Variants in DTWD2 observed in about 807,000 individuals in gnomAD.
DTWD2 encodes the protein tRNA-uridine aminocarboxypropyltransferase 2.
DTWD2 carries 39 observed loss-of-function variants against 31.8 expected under a neutral mutation model. That is an observed-to-expected ratio of 1.22 (90% CI 0.95 to 1.60). The LOEUF is 1.60. Among genes scored for constraint, DTWD2 ranks in the 40% most tolerant of loss-of-function variants. The probability of loss-of-function intolerance (pLI) is 0.00; values close to 1 mark genes in which losing one functional copy is unlikely to be tolerated. For missense variants in DTWD2, 515 were observed against 381.5 expected (o/e 1.35, Z -2.92); for synonymous variants, 180 against 142.8 (o/e 1.26, Z -1.86).
At chr5:118,876,702 C>T (rs1262768769) in intron 4 of DTWD2, among the ~76,000 whole-genome samples, 1 of 152,010 alleles carries the variant, frequency 6.6e-6, no homozygotes, top group African/African-American at 2.4e-5. Flanking sequence ...CTTAAACAGA[C>T]CAATAATGAG....
chr5:118,901,984 A>C (rs950915785), intron 4 of DTWD2, among the ~76,000 whole-genome samples: 1 of 152,200 alleles, frequency 6.6e-6, no homozygotes, highest in Admixed American at 6.5e-5. Flanking sequence ...ATTCTTTTTA[A>C]TAATTCATAC....
chr5:118,922,596 C>T (rs1753727584), intron 4 of DTWD2, among the ~76,000 whole-genome samples: 1 of 152,138 alleles, frequency 6.6e-6, no homozygotes, highest in South Asian at 2.1e-4. Context: ...TTTCTTTTAA[C>T]ATTTTTACTT....
At chr5:118,985,515 TATACAC>T (rs1178000459) in intron 1 of DTWD2, among the ~76,000 whole-genome samples, 5 of 132,048 alleles carry the variant, frequency 3.8e-5, no homozygotes, top group African/African-American at 1.6e-4. Flanking sequence ...TATATATATA[TATACAC>T]ACACATATAT....
At chr5:118,970,195 G>C (rs1306123156) in intron 1 of DTWD2, among the ~76,000 whole-genome samples, 1 of 152,210 alleles carries the variant, frequency 6.6e-6, no homozygotes, top group African/African-American at 2.4e-5. Context: ...GGGAGGCCGA[G>C]GCAGGCAGAT....
intron 4 of DTWD2, among the ~76,000 whole-genome samples, chr5:118,919,108 G>A (rs184937375): frequency 7.9e-5 from 12 of 152,270 alleles, no homozygotes; most frequent in African/African-American, 2.2e-4. Flanking sequence ...GGAAACACGG[G>A]TTCTAGATCA....
At chr5:118,909,825 G>A (rs1401567348) in intron 4 of DTWD2, among the ~76,000 whole-genome samples, 1 of 152,196 alleles carries the variant, frequency 6.6e-6, no homozygotes, top group Admixed American at 6.5e-5. Context: ...CAGACCTGAA[G>A]CCACTGTATT....
chr5:118,945,622 G>A (rs1344046183), intron 1 of DTWD2, among the ~76,000 whole-genome samples: 1 of 151,918 alleles, frequency 6.6e-6, no homozygotes, highest in East Asian at 1.9e-4. Flanking sequence ...AAAATTAGCT[G>A]GGAGTGGTGG....
chr5:118,966,830 G>C (rs1034170465), intron 1 of DTWD2, among the ~76,000 whole-genome samples: 1 of 152,022 alleles, frequency 6.6e-6, no homozygotes, highest in Non-Finnish European at 1.5e-5. Flanking sequence ...AGGAGTGCGA[G>C]AACAGCCTGA....
chr5:118,844,318 G>A (rs1375866731), intron 5 of DTWD2, among the ~76,000 whole-genome samples: 1 of 152,180 alleles, frequency 6.6e-6, no homozygotes, highest in East Asian at 1.9e-4. Flanking sequence ...AAATTCCTAT[G>A]ATAAAACTTC....
chr5:118,952,112 C>T (rs1246154384), intron 1 of DTWD2, among the ~76,000 whole-genome samples: 6 of 152,186 alleles, frequency 3.9e-5, no homozygotes, highest in Non-Finnish European at 5.9e-5. Flanking sequence ...AGTAAAAAGA[C>T]GCCGCTTACC....
intron 1 of DTWD2, among the ~76,000 whole-genome samples, chr5:118,980,373 G>T (rs1384464890): frequency 2.0e-5 from 3 of 152,182 alleles, no homozygotes; most frequent in Non-Finnish European, 4.4e-5. Context: ...CAAACATGAA[G>T]CTCATACTCC....
intron 4 of DTWD2, among the ~76,000 whole-genome samples, chr5:118,885,669 G>C (rs929863521): frequency 1.3e-5 from 2 of 150,998 alleles, no homozygotes; most frequent in African/African-American, 4.9e-5. Flanking sequence ...GGAGGCTGTG[G>C]GCAGGAGAGT....
At chr5:118,981,950 G>C (rs1004535107) in intron 1 of DTWD2, among the ~76,000 whole-genome samples, 1 of 152,124 alleles carries the variant, frequency 6.6e-6, no homozygotes, top group African/African-American at 2.4e-5. Context: ...TCATTATTAT[G>C]TGGTGTAGCA....
At position 118,846,013 on chromosome 5, in the gene DTWD2, G is replaced by C. The variant is rs1239414032; in HGVS notation, c.726+2077C>G. Among the ~76,000 whole-genome samples the C allele has an allele frequency of 2.0e-5, 3 of 152,040 alleles. No individual in the cohort carries two copies. In the East Asian group the frequency reaches 5.8e-4, roughly 29 times the overall value. The stretch of plus-strand genomic sequence containing the variant: ...GATGGAGAAGAGGCCCTAAAACAAC[G>C]TAAAGTTGTCCTAACTATATAATGT... On this transcript the variant is annotated intron_variant, in intron 5 of 5. Coordinates refer to ENST00000510708, the MANE Select transcript of DTWD2 (RefSeq NM_173666.4).
chr5:118,884,276 C>G (rs917132304), intron 4 of DTWD2, among the ~76,000 whole-genome samples: 1 of 152,168 alleles, frequency 6.6e-6, no homozygotes, highest in Middle Eastern at 3.2e-3. Flanking sequence ...CTGAACAATA[C>G]TAAATTCTTC....
At chr5:118,947,354 T>C (rs1449760097) in intron 1 of DTWD2, among the ~76,000 whole-genome samples, 2 of 152,144 alleles carry the variant, frequency 1.3e-5, no homozygotes, top group African/African-American at 4.8e-5. Flanking sequence ...ATGGAGGATT[T>C]TATTGCCGAT....
chr5:118,915,810 A>G (rs1480643750), intron 4 of DTWD2, among the ~76,000 whole-genome samples: 1 of 152,194 alleles, frequency 6.6e-6, no homozygotes, highest in Admixed American at 6.5e-5. Context: ...TTTTCTAGGT[A>G]TTTCAGGATC....
chr5:118,888,938 A>G (rs1293150434), intron 4 of DTWD2, among the ~76,000 whole-genome samples: 2 of 152,200 alleles, frequency 1.3e-5, no homozygotes, highest in Non-Finnish European at 2.9e-5. Flanking sequence ...TGGATTTTTA[A>G]CTGAGATGTT....
intron 4 of DTWD2, among the ~76,000 whole-genome samples, chr5:118,919,029 G>T (rs570775299): frequency 2.6e-5 from 4 of 152,274 alleles, no homozygotes; most frequent in South Asian, 4.1e-4. Context: ...GAGGTCATTT[G>T]TCTGATGCCT....
Sources: gnomAD v4.1 joint callset for allele counts (sites outside exome capture counted in the v4.1 genomes callset) on GRCh38, gnomAD v4.1.1 for gene constraint, MANE v1.5 for transcripts, NCBI Gene and HGNC (gene_info 2026-07-23, HGNC 2026-07-21) for gene names.